Variants in PPARGC1A observed in about 807,000 individuals in gnomAD.
The protein encoded by PPARGC1A is PPARG coactivator 1 alpha, also known as peroxisome proliferator-activated receptor gamma coactivator 1-alpha.
A neutral mutation model predicts 88.7 loss-of-function variants in PPARGC1A; 25 were observed. The observed-to-expected ratio is 0.28, with a 90% CI of 0.21 to 0.39. PPARGC1A has a LOEUF of 0.39. Ranked by LOEUF, PPARGC1A falls within the 10% of genes least tolerant of loss-of-function variation. PPARGC1A has a pLI of 1.00. For synonymous variants in PPARGC1A, 363 were observed against 355.6 expected, an observed-to-expected ratio of 1.02 and a Z score of -0.24; for missense variants, 880 against 968.7, an observed-to-expected ratio of 0.91 and a Z score of 1.22.
At chr4:24,366,338 A>G in the PPARGC1A span, among the ~76,000 whole-genome samples, 1 of 152,176 alleles carries the variant, frequency 6.6e-6, no homozygotes, top group African/African-American at 2.4e-5. Flanking sequence ...GATTAAGCCA[A>G]TTTTTATTGA....
At chr4:24,057,857 T>C in the PPARGC1A span, among the ~76,000 whole-genome samples, 1 of 152,140 alleles carries the variant, frequency 6.6e-6, no homozygotes, top group African/African-American at 2.4e-5. Flanking sequence ...GCTCCAGCAA[T>C]TGGAAAACTG....
chr4:24,109,582 C>T, the PPARGC1A span, among the ~76,000 whole-genome samples: 1,480 of 152,198 alleles, frequency 9.7e-3, 8 homozygotes, highest in East Asian at 0.052. Flanking sequence ...TCCCAACTTA[C>T]GGCATCTGAA....
chr4:23,852,868 G>A (rs921504389), intron 2 of PPARGC1A, among the ~76,000 whole-genome samples: 13 of 152,198 alleles, frequency 8.5e-5, no homozygotes, highest in South Asian at 4.1e-4. Context: ...GCATGTGTGC[G>A]TGTTTGCACA....
At chr4:24,393,216 T>A in the PPARGC1A span, among the ~76,000 whole-genome samples, 3 of 151,646 alleles carry the variant, frequency 2.0e-5, no homozygotes, top group African/African-American at 7.3e-5. Context: ...GAAATGGGAG[T>A]CAAGCAAATG....
At chr4:24,258,001 C>T in the PPARGC1A span, among the ~76,000 whole-genome samples, 1 of 151,892 alleles carries the variant, frequency 6.6e-6, no homozygotes. Flanking sequence ...TGGAGGGTGG[C>T]AGGCGGAGGT....
the PPARGC1A span, among the ~76,000 whole-genome samples, chr4:24,386,747 C>T: frequency 1.5e-4 from 23 of 152,224 alleles, no homozygotes; most frequent in East Asian, 4.2e-3. Flanking sequence ...AGAGAGGACA[C>T]AAACAAATGG....
the PPARGC1A span, among the ~76,000 whole-genome samples, chr4:24,096,921 T>C: frequency 6.6e-6 from 1 of 152,270 alleles, no homozygotes; most frequent in African/African-American, 2.4e-5. Flanking sequence ...ATAAATTCCT[T>C]TAGCTTATAG....
chr4:24,325,688 G>A, the PPARGC1A span, among the ~76,000 whole-genome samples: 1 of 152,186 alleles, frequency 6.6e-6, no homozygotes, highest in Admixed American at 6.5e-5. Context: ...GACGCTGCCC[G>A]ATCGCCTCGG....
At chr4:24,304,631 T>C in the PPARGC1A span, among the ~76,000 whole-genome samples, 1 of 152,194 alleles carries the variant, frequency 6.6e-6, no homozygotes, top group Non-Finnish European at 1.5e-5. Context: ...TCAACCCTCC[T>C]GTGCTCAGCA....
At chr4:24,032,357 G>T in the PPARGC1A span, among the ~76,000 whole-genome samples, 1 of 152,134 alleles carries the variant, frequency 6.6e-6, no homozygotes, top group Non-Finnish European at 1.5e-5. Context: ...CTCACACAGG[G>T]GCTCCTGGTG....
the PPARGC1A span, among the ~76,000 whole-genome samples, chr4:24,320,174 A>C: frequency 6.6e-6 from 1 of 152,220 alleles, no homozygotes; most frequent in Non-Finnish European, 1.5e-5. Flanking sequence ...CTTGCTGTGA[A>C]TCACTGCCAC....
At chr4:24,077,629 GT>G in the PPARGC1A span, among the ~76,000 whole-genome samples, 61 of 75,360 alleles carry the variant, frequency 8.1e-4, no homozygotes, top group African/African-American at 3.5e-3. Context: ...CTAGGGGTGT[GT>G]GTGTGTGTGT....
chr4:23,895,460 C>T (rs1250744160), intron 1 of PPARGC1A, among the ~76,000 whole-genome samples: 2 of 151,500 alleles, frequency 1.3e-5, no homozygotes, highest in Non-Finnish European at 2.9e-5. Context: ...TATGTATATA[C>T]ATATATCCCA....
At chr4:24,152,398 G>A in the PPARGC1A span, among the ~76,000 whole-genome samples, 2 of 152,158 alleles carry the variant, frequency 1.3e-5, no homozygotes, top group Non-Finnish European at 2.9e-5. Flanking sequence ...CAAGATGTAA[G>A]CCAACATCCA....
the PPARGC1A span, among the ~76,000 whole-genome samples, chr4:24,250,546 T>A: frequency 6.6e-6 from 1 of 152,126 alleles, no homozygotes; most frequent in East Asian, 1.9e-4. Context: ...TTTGGGGGCA[T>A]GCACTCTTTG....
the PPARGC1A span, among the ~76,000 whole-genome samples, chr4:24,456,199 T>C: frequency 6.6e-6 from 1 of 152,196 alleles, no homozygotes; most frequent in Non-Finnish European, 1.5e-5. Flanking sequence ...TATTCCTAAT[T>C]TTATTGAGTC....
the PPARGC1A span, among the ~76,000 whole-genome samples, chr4:24,026,732 A>G: frequency 6.6e-6 from 1 of 152,168 alleles, no homozygotes; most frequent in South Asian, 2.1e-4. Flanking sequence ...TTTGCACAAC[A>G]GGCAATCATC....
the PPARGC1A span, among the ~76,000 whole-genome samples, chr4:23,932,785 T>C: frequency 2.6e-5 from 4 of 152,154 alleles, no homozygotes; most frequent in African/African-American, 9.7e-5. Context: ...GATTTTCCTG[T>C]TCATGTACTC....
intron 1 of PPARGC1A, among the ~76,000 whole-genome samples, chr4:23,895,915 C>A (rs1188323135): frequency 6.7e-6 from 1 of 149,286 alleles, no homozygotes; most frequent in African/African-American, 2.5e-5. Flanking sequence ...ATTAAGTGAC[C>A]TGGTTCAATA....
Sources: gnomAD v4.1 joint callset for allele counts (sites outside exome capture counted in the v4.1 genomes callset) on GRCh38, gnomAD v4.1.1 for gene constraint, MANE v1.5 for transcripts, NCBI Gene and HGNC (gene_info 2026-07-23, HGNC 2026-07-21) for gene names.